QTMAN: variants seen among roughly 807,000 people sequenced by gnomAD.
QTMAN encodes the protein queuosine-tRNA mannosyltransferase, also known as tRNA-queuosine alpha-mannosyltransferase.
At chr2:144,151,536 G>A in the QTMAN span, among the ~76,000 whole-genome samples, 4 of 152,160 alleles carry the variant, frequency 2.6e-5, no homozygotes, top group Non-Finnish European at 5.9e-5. Context: ...CTAATATTGT[G>A]AGAGTGTTAC....
the QTMAN span, among the ~76,000 whole-genome samples, chr2:144,126,018 T>C: frequency 6.6e-6 from 1 of 152,004 alleles, no homozygotes; most frequent in African/African-American, 2.4e-5. Context: ...CAAGGATAAA[T>C]ACAATTTTTA....
the QTMAN span, among the ~76,000 whole-genome samples, chr2:143,996,570 G>A: frequency 3.3e-5 from 5 of 152,244 alleles, no homozygotes; most frequent in Non-Finnish European, 5.9e-5. Flanking sequence ...GGTAGGTGAA[G>A]AGGGGCAGTT....
chr2:144,299,469 G>A, the QTMAN span, among the ~76,000 whole-genome samples: 13,125 of 152,170 alleles, frequency 0.086, 699 homozygotes, highest in East Asian at 0.17. Flanking sequence ...TATTAATGGC[G>A]TATTCTCTAT....
chr2:144,085,566 G>A, the QTMAN span, among the ~76,000 whole-genome samples: 1 of 152,164 alleles, frequency 6.6e-6, no homozygotes, highest in African/African-American at 2.4e-5. Context: ...TTATAATCTT[G>A]TTATGTAATT....
At chr2:144,145,432 A>C in the QTMAN span, 6 of 540,508 alleles carry the variant, frequency 1.1e-5, no homozygotes, top group Non-Finnish European at 2.0e-5. Context: ...TGCAGAAGGA[A>C]GAATTGTTTA....
At chr2:144,279,019 G>C in the QTMAN span, among the ~76,000 whole-genome samples, 2 of 152,034 alleles carry the variant, frequency 1.3e-5, no homozygotes, top group African/African-American at 4.8e-5. Context: ...GGGAGATTAA[G>C]AACTCTGCCA....
At chr2:143,988,604 TC>T in the QTMAN span, among the ~76,000 whole-genome samples, 1 of 152,238 alleles carries the variant, frequency 6.6e-6, no homozygotes, top group African/African-American at 2.4e-5. Flanking sequence ...TAGATATCAT[TC>T]TTCTACTTAA....
chr2:144,120,222 C>A, the QTMAN span, among the ~76,000 whole-genome samples: 2 of 152,156 alleles, frequency 1.3e-5, no homozygotes, highest in African/African-American at 4.8e-5. Flanking sequence ...TTCTTATGCA[C>A]GTCACCTTTT....
the QTMAN span, among the ~76,000 whole-genome samples, chr2:144,039,659 C>G: frequency 1.3e-5 from 2 of 152,198 alleles, no homozygotes; most frequent in South Asian, 4.1e-4. Flanking sequence ...AATGCCATCG[C>G]TTTGATATCA....
chr2:144,193,458 T>A, the QTMAN span, among the ~76,000 whole-genome samples: 1 of 148,494 alleles, frequency 6.7e-6, no homozygotes, highest in East Asian at 1.9e-4. Flanking sequence ...ATAATGCATA[T>A]ATATGTTATG....
At chr2:144,145,850 A>C in the QTMAN span, 3 of 759,032 alleles carry the variant, frequency 4.0e-6, no homozygotes, top group East Asian at 7.7e-5. Context: ...CATCCCCTAT[A>C]GGGACACATC....
chr2:144,012,351 T>C, the QTMAN span, among the ~76,000 whole-genome samples: 1 of 152,158 alleles, frequency 6.6e-6, no homozygotes, highest in African/African-American at 2.4e-5. Flanking sequence ...GGCCTTTGCC[T>C]TTTTCATATC....
the QTMAN span, among the ~76,000 whole-genome samples, chr2:143,954,871 T>C: frequency 6.6e-6 from 1 of 152,156 alleles, no homozygotes; most frequent in Admixed American, 6.5e-5. Context: ...TTAAAAAGAC[T>C]AGTAAATGAC....
At chr2:143,985,180 A>G in the QTMAN span, among the ~76,000 whole-genome samples, 1 of 152,230 alleles carries the variant, frequency 6.6e-6, no homozygotes, top group Admixed American at 6.5e-5. Context: ...TCCCCAAGAA[A>G]GAAGCAACCG....
At chr2:144,297,577 C>CTT in the QTMAN span, among the ~76,000 whole-genome samples, 436 of 119,260 alleles carry the variant, frequency 3.7e-3, 2 homozygotes, top group African/African-American at 5.1e-3. Context: ...AGGATTCCGT[C>CTT]TTTTTTTTTT....
chr2:144,259,173 T>A, the QTMAN span, among the ~76,000 whole-genome samples: 13 of 152,308 alleles, frequency 8.5e-5, no homozygotes, highest in African/African-American at 3.1e-4. Context: ...TTGTATTTTG[T>A]TTTGAGACAG....
At chr2:144,082,666 T>C in the QTMAN span, among the ~76,000 whole-genome samples, 6 of 152,162 alleles carry the variant, frequency 3.9e-5, no homozygotes, top group Admixed American at 1.3e-4. Flanking sequence ...AACCCTCTTA[T>C]GTTACAGATG....
At chr2:143,992,087 A>C in the QTMAN span, among the ~76,000 whole-genome samples, 1 of 152,210 alleles carries the variant, frequency 6.6e-6, no homozygotes, top group African/African-American at 2.4e-5. Context: ...TTTGTGGAAT[A>C]GAAAGCGGGG....
At chr2:143,946,376 G>A in the QTMAN span, 2 of 152,180 alleles carry the variant, frequency 1.3e-5, no homozygotes, top group African/African-American at 4.8e-5. Flanking sequence ...TGAATCATGG[G>A]AATACCTGCC....
Sources: allele counts gnomAD v4.1 joint callset (sites outside exome capture counted in the v4.1 genomes callset), GRCh38; gene constraint gnomAD v4.1.1; transcripts MANE v1.5; gene names NCBI Gene and HGNC (gene_info 2026-07-23, HGNC 2026-07-21).